PLEKHA8: variants seen among roughly 807,000 people sequenced by gnomAD.
The protein encoded by PLEKHA8 is pleckstrin homology domain-containing family A member 8.
PLEKHA8 carries 36 observed loss-of-function variants against 68.2 expected under a neutral mutation model. That is an observed-to-expected ratio of 0.53 (90% CI 0.40 to 0.70). The LOEUF is 0.70. Ranked by LOEUF, PLEKHA8 falls within the 30% of genes least tolerant of loss-of-function variation. PLEKHA8 has a pLI of 0.00. For missense variants in PLEKHA8, 505 were observed against 615.4 expected, an observed-to-expected ratio of 0.82 and a Z score of 1.90; for synonymous variants, 211 against 216.1, an observed-to-expected ratio of 0.98 and a Z score of 0.20.
intron 13 of PLEKHA8, chr7:30,115,954 A>ACATGCATGCATACATGTG (rs1468397181): frequency 7.6e-6 from 1 of 131,032 alleles, no homozygotes; most frequent in East Asian, 2.2e-4. Flanking sequence ...ACATACGCAT[A>ACATGCATGCATACATGTG]CATGCATGCA....
intron 9 of PLEKHA8, among the ~76,000 whole-genome samples, chr7:30,056,823 A>G (rs1251702712): frequency 1.4e-5 from 2 of 144,878 alleles, no homozygotes; most frequent in Non-Finnish European, 3.0e-5. Flanking sequence ...TGTTATGTAT[A>G]TATATGTTAT....
At chr7:30,129,277 T>A (rs1796833957) in exon 14 of PLEKHA8, 1 of 1,612,794 alleles carries the variant, frequency 6.2e-7, no homozygotes, top group Admixed American at 1.7e-5. Context: ...TGTAGGAATG[T>A]GGGTGTAGAC....
At chr7:30,097,247 G>T (rs981448258) in intron 13 of PLEKHA8, among the ~76,000 whole-genome samples, 3 of 152,074 alleles carry the variant, frequency 2.0e-5, no homozygotes, top group Non-Finnish European at 4.4e-5. Context: ...TTTCTCTCTG[G>T]CTGCCCTTAA....
At chr7:30,040,332 A>G (rs1321905984) in intron 1 of PLEKHA8, among the ~76,000 whole-genome samples, 1 of 152,088 alleles carries the variant, frequency 6.6e-6, no homozygotes, top group Non-Finnish European at 1.5e-5. Context: ...TTCCAGTTCC[A>G]TTTCCCTTTG....
At chr7:30,034,778 A>G (rs1407482973) in intron 1 of PLEKHA8, among the ~76,000 whole-genome samples, 1 of 152,184 alleles carries the variant, frequency 6.6e-6, no homozygotes, top group Non-Finnish European at 1.5e-5. Flanking sequence ...GCAAGGATCA[A>G]CTGTATTTTC....
At chr7:30,049,490 T>G in intron 5 of PLEKHA8, 108 bp downstream of exon 5, 1 of 1,370,336 alleles carries the variant, frequency 7.3e-7, no homozygotes, top group Non-Finnish European at 9.8e-7. Flanking sequence ...AGACAGTTTT[T>G]TAATGGACTT....
intron 9 of PLEKHA8, among the ~76,000 whole-genome samples, chr7:30,056,312 C>CTCTCTATATATATATATATATA (rs796845171): frequency 1.1e-5 from 1 of 94,544 alleles, no homozygotes; most frequent in African/African-American, 3.9e-5. Flanking sequence ...CTCTCTCTCT[C>CTCTCTATATATATATATATATA]TATATATATA....
At chr7:30,072,209 T>G (rs1335964938) in intron 12 of PLEKHA8, 2 of 152,256 alleles carry the variant, frequency 1.3e-5, no homozygotes, top group Non-Finnish European at 2.9e-5. Context: ...CACTTATTGC[T>G]TCTGCTTTAG....
At chr7:30,044,834 T>A (rs1384413047) in intron 1 of PLEKHA8, among the ~76,000 whole-genome samples, 2 of 152,244 alleles carry the variant, frequency 1.3e-5, no homozygotes. Context: ...AGTGTACTTG[T>A]TGCTTATCCT....
At chr7:30,060,323 C>A (rs1410211915) in intron 9 of PLEKHA8, among the ~76,000 whole-genome samples, 2 of 151,638 alleles carry the variant, frequency 1.3e-5, no homozygotes, top group African/African-American at 4.9e-5. Flanking sequence ...CATCTGTAAT[C>A]TCAGCTACTC....
intron 13 of PLEKHA8, among the ~76,000 whole-genome samples, chr7:30,116,224 A>G (rs183453379): frequency 4.0e-5 from 6 of 149,754 alleles, no homozygotes; most frequent in African/African-American, 1.0e-4. Context: ...ATATGTATAT[A>G]CGTATACATG....
At chr7:30,050,709 C>T (rs1041116045) in intron 6 of PLEKHA8, 1 of 389,834 alleles carries the variant, frequency 2.6e-6, no homozygotes. Flanking sequence ...TGGATCTCAC[C>T]CATCACATCT....
rs1795069514 is a variant in PLEKHA8 at position 30,083,941 on chromosome 7, G to A, written c.*5154G>A. 1 of 985,310 alleles carries A rather than the reference G, an allele frequency of 1.0e-6. No homozygotes were observed. Among genetic ancestry groups the A allele is most frequent in the South Asian group, 4.7e-5 (1 of 21,284 alleles). 61.0% of individuals were successfully genotyped at this position (985,310 alleles called of 1,614,324 possible). On this transcript the variant is annotated 3_prime_UTR_variant, in exon 14 of 14. Coordinates refer to ENST00000449726, the MANE Select transcript of PLEKHA8 (RefSeq NM_001197026.2). ...GGTGTATATGGAGTCAGTGTTGATA[G>A]GAAGGATGCTCTAGAAGTACTTCTG...
chr7:30,066,754 C>T (rs1173715719), intron 12 of PLEKHA8, among the ~76,000 whole-genome samples: 1 of 152,172 alleles, frequency 6.6e-6, no homozygotes, highest in Non-Finnish European at 1.5e-5. Context: ...CATATTGCCA[C>T]ATATCTCATC....
At chr7:30,039,467 G>A (rs1450640296) in intron 1 of PLEKHA8, among the ~76,000 whole-genome samples, 1 of 152,184 alleles carries the variant, frequency 6.6e-6, no homozygotes, top group Non-Finnish European at 1.5e-5. Context: ...GTGAGCTGAG[G>A]TCACGCTGTT....
chr7:30,074,294 C>T (rs1282022106), intron 13 of PLEKHA8, among the ~76,000 whole-genome samples, 162 bp downstream of exon 13: 3 of 146,098 alleles, frequency 2.1e-5, no homozygotes, highest in Non-Finnish European at 3.0e-5. Context: ...TTTTTGTTTG[C>T]TTTGTTTTTG....
intron 12 of PLEKHA8, among the ~76,000 whole-genome samples, chr7:30,066,330 T>G (rs895284100): frequency 2.0e-5 from 3 of 152,216 alleles, no homozygotes; most frequent in Non-Finnish European, 2.9e-5. Flanking sequence ...CTCCTTTACC[T>G]TTCTGGAAAA....
rs1052079761 is a variant in PLEKHA8, at chr7:30,028,494, C to T, written c.-269C>T. On this transcript the variant is annotated 5_prime_UTR_variant, in exon 1 of 14. Coordinates refer to ENST00000449726, the MANE Select transcript of PLEKHA8 (RefSeq NM_001197026.2). ...GGCTGCCCCTCCGACCCACGTAGGGCCCGGACCCGGGCCTCCTTGTGAACA... is the reference window on the plus strand; with the variant it reads ...GGCTGCCCCTCCGACCCACGTAGGGTCCGGACCCGGGCCTCCTTGTGAACA... 8.5e-6 allele frequency: 3 copies of T among 352,696 alleles called. No homozygotes were observed. The highest frequency in any genetic ancestry group is 4.2e-5 in the East Asian group (1 of 23,932). 21.8% of individuals were successfully genotyped at this position (352,696 alleles called of 1,614,324 possible). A position where few individuals can be genotyped will look rare whatever the true frequency, so the allele number is the denominator to read the frequency against.
rs561859746 is a variant in PLEKHA8, at chr7:30,073,934, T to G, written c.1301-137T>G. The G allele has an allele frequency of 2.2e-5, 13 of 590,578 alleles. No individual in the cohort carries two copies. The Admixed American group carries it at 3.6e-4, about 17-fold the overall frequency. 36.6% of individuals were successfully genotyped at this position (590,578 alleles called of 1,614,324 possible). On this transcript the variant is annotated intron_variant, in intron 12 of 13. Coordinates refer to ENST00000449726, the MANE Select transcript of PLEKHA8 (RefSeq NM_001197026.2). ...GAGCGCAGGAGTTCAAGGCTGCAAC[T>G]ATTATCACACCACTGTACTCTAGCC... is the stretch of plus-strand genomic sequence containing the variant.
Sources: gnomAD v4.1 joint callset for allele counts (sites outside exome capture counted in the v4.1 genomes callset) on GRCh38, gnomAD v4.1.1 for gene constraint, MANE v1.5 for transcripts, NCBI Gene and HGNC (gene_info 2026-07-23, HGNC 2026-07-21) for gene names.